TG: variants seen among roughly 807,000 people sequenced by gnomAD.
TG encodes the protein thyroglobulin, also known as thyroid hormones.
Under a neutral mutation model 324.7 loss-of-function variants are expected in TG, and 270 were observed. The ratio of observed to expected loss-of-function variants is 0.83; its 90% CI spans 0.75 to 0.92. The LOEUF (loss-of-function observed/expected upper bound fraction) is 0.92, where lower values mean the gene tolerates loss of function less well. Ranked by LOEUF, TG falls within the 40% of genes least tolerant of loss-of-function variation. The probability of loss-of-function intolerance (pLI) is 0.00; values close to 1 mark genes in which losing one functional copy is unlikely to be tolerated. For missense variants in TG, 3,591 were observed against 3,456.4 expected (o/e 1.04, Z -0.98); for synonymous variants, 1,401 against 1,327.0 (o/e 1.06, Z -1.21).
At chr8:133,127,681 G>A (rs144536519) in intron 45 of TG, among the ~76,000 whole-genome samples, 1 of 152,154 alleles carries the variant, frequency 6.6e-6, no homozygotes, top group Admixed American at 6.5e-5. Flanking sequence ...ATGCAGTTTA[G>A]TGGTTTTTCA....
intron 41 of TG, chr8:133,038,775 AAAAG>A (rs1157771100): frequency 6.9e-7 from 1 of 1,451,420 alleles, no homozygotes; most frequent in Non-Finnish European, 9.6e-7. Flanking sequence ...GAAAGGGAAA[AAAAG>A]AGAGTCATAG....
At chr8:132,932,085 C>T (rs529873903) in intron 23 of TG, among the ~76,000 whole-genome samples, 1 of 150,980 alleles carries the variant, frequency 6.6e-6, no homozygotes, top group African/African-American at 2.4e-5. Flanking sequence ...CAGAGCCAGA[C>T]CCTGTCTCAA....
intron 34 of TG, 148 bp downstream of exon 34, chr8:132,972,889 C>A: frequency 2.7e-6 from 3 of 1,123,424 alleles, no homozygotes; most frequent in South Asian, 2.7e-5. Context: ...TTAACTTAAG[C>A]AGACAAGAAA....
intron 45 of TG, among the ~76,000 whole-genome samples, chr8:133,124,532 T>C (rs923843762): frequency 1.3e-5 from 2 of 152,204 alleles, no homozygotes; most frequent in African/African-American, 4.8e-5. Flanking sequence ...CTGTTTGCAT[T>C]TAAACAAAAC....
At chr8:132,867,355 T>C (rs1839031636) in intron 1 of TG, among the ~76,000 whole-genome samples, 1 of 152,140 alleles carries the variant, frequency 6.6e-6, no homozygotes, top group South Asian at 2.1e-4. Context: ...ACTTTTGGCA[T>C]TGACCTTGGG....
intron 40 of TG, among the ~76,000 whole-genome samples, chr8:133,027,495 G>A (rs114163066): frequency 0.016 from 2,510 of 152,308 alleles, 85 homozygotes; most frequent in African/African-American, 0.058. Context: ...AAGAACTGGA[G>A]CTGAGACACA....
chr8:133,038,710 C>G (rs759847651), intron 41 of TG: 2 of 1,613,980 alleles, frequency 1.2e-6, no homozygotes, highest in Admixed American at 3.3e-5. Context: ...CAAGCGGGTT[C>G]TCTGTTCCCT....
chr8:133,088,876 A>T (rs1262248999), intron 41 of TG, among the ~76,000 whole-genome samples: 1 of 152,188 alleles, frequency 6.6e-6, no homozygotes, highest in Non-Finnish European at 1.5e-5. Context: ...GCTTTTAGGG[A>T]TCAAGAAAAC....
At chr8:133,102,567 G>A in intron 43 of TG, 1 of 1,551,524 alleles carries the variant, frequency 6.4e-7, no homozygotes, top group Non-Finnish European at 8.7e-7. Context: ...GGAGCATCAG[G>A]GCTGCCTGAG....
chr8:133,077,864 C>T (rs1416241919), intron 41 of TG, among the ~76,000 whole-genome samples: 1 of 151,836 alleles, frequency 6.6e-6, no homozygotes, highest in Non-Finnish European at 1.5e-5. Context: ...CAGCAGGAGC[C>T]CCCCGCACCC....
chr8:132,912,338 A>G (rs949091306), intron 19 of TG, among the ~76,000 whole-genome samples: 1 of 152,190 alleles, frequency 6.6e-6, no homozygotes, highest in African/African-American at 2.4e-5. Context: ...TTGGAGCCGC[A>G]AAAACATGAG....
chr8:132,880,472 T>G (rs1005753776), intron 5 of TG, among the ~76,000 whole-genome samples: 1 of 152,200 alleles, frequency 6.6e-6, no homozygotes, highest in African/African-American at 2.4e-5. Flanking sequence ...CCTACCTCCC[T>G]ATTAGTGGCA....
At chr8:132,911,633 T>C (rs898392342) in intron 19 of TG, 100 bp downstream of exon 19, 121 of 999,368 alleles carry the variant, frequency 1.2e-4, no homozygotes, top group Admixed American at 6.9e-5. Flanking sequence ...GCCCATGATG[T>C]CTTCTTGTGA....
chr8:132,883,059 C>T, intron 8 of TG, 60 bp downstream of exon 8: 1 of 1,566,290 alleles, frequency 6.4e-7, no homozygotes. Flanking sequence ...TGGCGGTCCT[C>T]CAGACCAACC....
chr8:133,133,521 C>T lies in TG; in HGVS notation c.8049C>T (p.Thr2683=). 3.1e-6 allele frequency: 5 copies of T among 1,614,186 alleles called. No homozygotes were observed. Among genetic ancestry groups the T allele is most frequent in the African/African-American group, 1.3e-5 (1 of 75,054 alleles). Reference sequence around the variant, plus strand: ...CACGGAAAGTACCCACATTTGCAACCCCCTGGCCTGACTTTGTACCCCGTG... The same window carrying T: ...CACGGAAAGTACCCACATTTGCAACTCCCTGGCCTGACTTTGTACCCCGTG... The part of the protein sequence containing the change: ...EFSRKVPTFA[T]PWPDFVPRAG... The change falls in exon 47 of 48, where the codon ACC becomes ACT. Residue 2683 remains threonine (T), a synonymous_variant. Coordinates refer to ENST00000220616, the MANE Select transcript of TG (RefSeq NM_003235.5).
In TG at chr8:132,901,565, C is replaced by A. The variant is rs1174587471; in HGVS notation, c.3634+12C>A. 2.5e-6 allele frequency: 4 copies of A among 1,609,448 alleles called. No individual in the cohort carries two copies. Among genetic ancestry groups the A allele is most frequent in the East Asian group, 4.5e-5 (2 of 44,798 alleles). On this transcript the variant is annotated intron_variant, in intron 16 of 47. Coordinates refer to ENST00000220616, the MANE Select transcript of TG (RefSeq NM_003235.5). ...GCCCGCCTGTGAGAGTAAGTCATGA[C>A]CCCCTGGGGGGACGACGAGGCCTGC...
rs754538003 is a variant in TG, at chr8:132,887,402, C to G, written c.2030C>G (p.Pro677Arg). 9.3e-6 allele frequency: 15 copies of G among 1,614,054 alleles called. No homozygotes were observed. In the African/African-American group the frequency reaches 2.0e-4, roughly 22 times the overall value. ...ARMQSLMGSQ[P>R]AGSTLFVPAC... ...ATGCAAAGCCTCATGGGCAGCCAGC[C>G]TGCTGGCTCCACCTTGTTTGTCCCT... Residue 677 changes from proline (P) to arginine (R), a missense_variant, in exon 9 of 48, where the codon CCT (proline) becomes CGT (arginine). Coordinates refer to ENST00000220616, the MANE Select transcript of TG (RefSeq NM_003235.5).
At chr8:132,893,163 A>AGTGTGGTGTGTGTGTGGTGTGTGT (rs1432259453) in intron 10 of TG, among the ~76,000 whole-genome samples, 1 of 46,452 alleles carries the variant, frequency 2.2e-5, no homozygotes, top group Admixed American at 2.3e-4. Flanking sequence ...ATGTGTGGTG[A>AGTGTGGTGTGTGTGTGGTGTGTGT]GTGTGGTGTG....
At chr8:132,894,399 ACAGAGGCATAAGCT>A (rs1816801688) in intron 11 of TG, among the ~76,000 whole-genome samples, 2 of 152,110 alleles carry the variant, frequency 1.3e-5, no homozygotes, top group African/African-American at 4.8e-5. Context: ...CCTGCATGCG[ACAGAGGCATAAGCT>A]CAGGGAGCCT....
Sources: gnomAD v4.1 joint callset for allele counts (sites outside exome capture counted in the v4.1 genomes callset) on GRCh38, gnomAD v4.1.1 for gene constraint, MANE v1.5 for transcripts, NCBI Gene and HGNC (gene_info 2026-07-23, HGNC 2026-07-21) for gene names.